Variants in WNT9B observed in about 807,000 individuals in gnomAD.
WNT9B encodes protein Wnt-9b.
A neutral mutation model predicts 30.2 loss-of-function variants in WNT9B; 12 were observed. The ratio of observed to expected loss-of-function variants is 0.40; its 90% CI spans 0.26 to 0.64. The LOEUF is 0.64. WNT9B is among the 30% of genes least tolerant of loss of function. The pLI is 0.42. For synonymous variants in WNT9B, 218 were observed against 216.9 expected (o/e 1.01, Z -0.05); for missense variants, 442 against 485.2 (o/e 0.91, Z 0.84).
chr17:46,853,089 C>G (rs1319633081), intron 1 of WNT9B, among the ~76,000 whole-genome samples: 1 of 152,160 alleles, frequency 6.6e-6, no homozygotes, highest in Non-Finnish European at 1.5e-5. Context: ...CAGTGCACAA[C>G]TTGTTTGTTT....
rs2085358475 is a variant in WNT9B, at chr17:46,877,085, G to C, written c.*367G>C. ...CTTGCTTCCTGGGATGAATGGCTTG[G>C]AGCCAGCATGTTCTTGGGAGGTGAA... On this transcript the variant is annotated 3_prime_UTR_variant, in exon 4 of 4. Transcript: ENST00000290015. 9.4e-6 allele frequency: 10 copies of C among 1,059,340 alleles called. No homozygotes were observed. The highest frequency in any genetic ancestry group is 1.1e-5 in the Non-Finnish European group (10 of 877,732). 65.6% of individuals were successfully genotyped at this position (1,059,340 alleles called of 1,614,324 possible). A position where few individuals can be genotyped will look rare whatever the true frequency, so the allele number is the denominator to read the frequency against.
chr17:46,869,750 G>C (rs2085205519), intron 1 of WNT9B, among the ~76,000 whole-genome samples: 1 of 152,106 alleles, frequency 6.6e-6, no homozygotes, highest in Non-Finnish European at 1.5e-5. Flanking sequence ...TGTAATTCCA[G>C]CACTCTGGGA....
At chr17:46,853,363 CTTTTTTTT>C (rs35252647) in intron 1 of WNT9B, among the ~76,000 whole-genome samples, 10 of 78,896 alleles carry the variant, frequency 1.3e-4, no homozygotes, top group African/African-American at 4.8e-4. Context: ...ATGCTAGTGA[CTTTTTTTT>C]TTTTTTTTTT....
intron 1 of WNT9B, among the ~76,000 whole-genome samples, chr17:46,859,258 G>A (rs529430544): frequency 1.0e-3 from 153 of 152,334 alleles, no homozygotes; most frequent in African/African-American, 3.4e-3. Context: ...TTACAGGCGT[G>A]AGCCACCACA....
chr17:46,834,879 C>T (rs1438195479), intron 1 of WNT9B, among the ~76,000 whole-genome samples: 2 of 152,166 alleles, frequency 1.3e-5, no homozygotes, highest in Admixed American at 1.3e-4. Context: ...CCCACCTTAC[C>T]CCCAGAAGCA....
intron 1 of WNT9B, among the ~76,000 whole-genome samples, chr17:46,863,722 C>T (rs550301886): frequency 1.8e-4 from 28 of 152,190 alleles, no homozygotes; most frequent in African/African-American, 6.0e-4. Context: ...GGGGTCGGAC[C>T]GAGTTAGACA....
Position 46,844,715 on chromosome 17 carries a change from C to T in WNT9B, c.95+11275C>T, listed in dbSNP as rs190970079. On this transcript the variant is annotated intron_variant, in intron 1 of 2. Coordinates refer to the WNT9B transcript ENST00000575372. ...AAAAGATGTTGAGAATGCCTCTGTGCAGACCCAAATCTATAGGATGTTATT... is the reference window on the plus strand; with the variant it reads ...AAAAGATGTTGAGAATGCCTCTGTGTAGACCCAAATCTATAGGATGTTATT... 7.9e-5 allele frequency among the ~76,000 whole-genome samples: 12 copies of T among 152,280 alleles called. No individual in the cohort carries two copies. In the East Asian group the frequency reaches 1.7e-3, roughly 22 times the overall value.
At position 46,879,250 on chromosome 17, in the gene WNT9B, C is replaced by T. The variant is rs1453164183; in HGVS notation, c.*2532C>T. Among the ~76,000 whole-genome samples the T allele has an allele frequency of 6.6e-6, 1 of 152,110 alleles. No homozygotes were observed. The highest frequency in any genetic ancestry group is 2.4e-5 in the African/African-American group (1 of 41,414). On this transcript the variant is annotated 3_prime_UTR_variant, in exon 4 of 4. Transcript: ENST00000290015. ...CTGGGGAGATACAGCCTGACCTGAC[C>T]GGGTCCCCCACTGAGCAGGAGGCCG... is the stretch of plus-strand genomic sequence containing the variant.
At chr17:46,837,788 A>C (rs1158439472) in intron 1 of WNT9B, among the ~76,000 whole-genome samples, 1 of 152,218 alleles carries the variant, frequency 6.6e-6, no homozygotes, top group Non-Finnish European at 1.5e-5. Flanking sequence ...ATATGCCTTC[A>C]GGGCTGATAT....
At chr17:46,868,065 G>A (rs2085170002) in intron 1 of WNT9B, among the ~76,000 whole-genome samples, 1 of 152,158 alleles carries the variant, frequency 6.6e-6, no homozygotes, top group African/African-American at 2.4e-5. Flanking sequence ...AGCCTGGGGA[G>A]CCTGAGACAG....
rs990628985 is a variant in WNT9B at position 46,853,394 on chromosome 17, C to T, written c.77+1679C>T. 3.8e-4 allele frequency among the ~76,000 whole-genome samples: 33 copies of T among 86,154 alleles called. 1 individual carries two copies. The highest frequency in any genetic ancestry group is 1.4e-3 in the African/African-American group (28 of 20,116). The allele number at this position is 86,154 out of a possible 152,430, so 56.5% of individuals were successfully genotyped here. On this transcript the variant is annotated intron_variant, in intron 1 of 3. Transcript: ENST00000290015. ...TTTTTTTTTTTTTTTTTTTTTAAGA[C>T]GGAGTCTCCCTCTGTCACCCAGGCT...
In WNT9B at chr17:46,876,943, C is replaced by A. The variant is rs1401624230; in HGVS notation, c.*225C>A. 2 of 1,320,608 alleles carry A rather than the reference C, an allele frequency of 1.5e-6. No individual in the cohort carries two copies. The highest frequency in any genetic ancestry group is 7.0e-5 in the Admixed American group (2 of 28,686). 81.8% of individuals were successfully genotyped at this position (1,320,608 alleles called of 1,614,324 possible). A position where few individuals can be genotyped will look rare whatever the true frequency, so the allele number is the denominator to read the frequency against. On this transcript the variant is annotated 3_prime_UTR_variant, in exon 4 of 4. Transcript: ENST00000290015. ...GCCTCCTCCCTTAACCCAAGCATCCCCAACCTTGTTGAGGACTTGGAGAGG... is the reference window on the plus strand; with the variant it reads ...GCCTCCTCCCTTAACCCAAGCATCCACAACCTTGTTGAGGACTTGGAGAGG...
At chr17:46,863,271 TG>T (rs1339731665) in intron 1 of WNT9B, among the ~76,000 whole-genome samples, 1 of 152,180 alleles carries the variant, frequency 6.6e-6, no homozygotes, top group Non-Finnish European at 1.5e-5. Context: ...GCAGGGAGGC[TG>T]AGGGACAGCC....
intron 1 of WNT9B, among the ~76,000 whole-genome samples, chr17:46,859,475 C>T (rs2084997587): frequency 6.6e-6 from 1 of 152,194 alleles, no homozygotes; most frequent in South Asian, 2.1e-4. Flanking sequence ...TTTCTGGACA[C>T]TCTACTCTGT....
chr17:46,852,420 G>A (rs1568119625), intron 1 of WNT9B, among the ~76,000 whole-genome samples: 1 of 150,880 alleles, frequency 6.6e-6, no homozygotes, highest in East Asian at 1.9e-4. Flanking sequence ...GTGTGTGTGT[G>A]TGTGTGTGTG....
intron 1 of WNT9B, among the ~76,000 whole-genome samples, chr17:46,868,554 G>C (rs9909391): frequency 0.11 from 15,856 of 150,004 alleles, 1,120 homozygotes; most frequent in East Asian, 0.37. Context: ...CGAAATCTCA[G>C]CACTGCACTC....
At chr17:46,840,016 TTTCTTTC>T (rs1451073646) in intron 1 of WNT9B, among the ~76,000 whole-genome samples, 1 of 100,130 alleles carries the variant, frequency 1.0e-5, no homozygotes, top group Admixed American at 1.2e-4. Flanking sequence ...TCTTTCTTTC[TTTCTTTC>T]TTTCTTTCTT....
At chr17:46,834,882 C>A (rs1331800165) in intron 1 of WNT9B, among the ~76,000 whole-genome samples, 1 of 152,238 alleles carries the variant, frequency 6.6e-6, no homozygotes, top group Non-Finnish European at 1.5e-5. Flanking sequence ...ACCTTACCCC[C>A]AGAAGCATTC....
In WNT9B at chr17:46,851,604, G is replaced by T; in HGVS notation, c.-35G>T. 8.3e-7 allele frequency: 1 copy of T among 1,202,544 alleles called. No individual in the cohort carries two copies. Among genetic ancestry groups the T allele is most frequent in the Non-Finnish European group, 1.0e-6 (1 of 957,612 alleles). 74.5% of individuals were successfully genotyped at this position (1,202,544 alleles called of 1,614,324 possible). A position where few individuals can be genotyped will look rare whatever the true frequency, so the allele number is the denominator to read the frequency against. On this transcript the variant is annotated 5_prime_UTR_variant, in exon 1 of 4. Coordinates refer to ENST00000290015, the MANE Select transcript of WNT9B (RefSeq NM_003396.3). The surrounding 1 kb of genome is among the most constrained non-coding windows in gnomAD (Gnocchi z 4.3). ...GCGGAGCTGCGAGCTTGAGCGGCGC[G>T]AGGAGATGCTAGAGGGCGCAGCGCC... is the stretch of plus-strand genomic sequence containing the variant.
Sources: gnomAD v4.1 joint callset for allele counts (sites outside exome capture counted in the v4.1 genomes callset) on GRCh38, gnomAD v4.1.1 for gene constraint, Gnocchi (gnomAD v3.1) non-coding constraint, MANE v1.5 for transcripts, NCBI Gene and HGNC (gene_info 2026-07-23, HGNC 2026-07-21) for gene names.